Variants in DNAI3 observed in about 807,000 individuals in gnomAD.
The protein encoded by DNAI3 is WD repeat domain 63.
Under a neutral mutation model 115.5 loss-of-function variants are expected in DNAI3, and 83 were observed. The observed-to-expected ratio is 0.72, with a 90% CI of 0.60 to 0.86. The LOEUF is 0.86. Ranked by LOEUF, DNAI3 falls within the 40% of genes least tolerant of loss-of-function variation. The probability of loss-of-function intolerance (pLI) is 0.00; values close to 1 mark genes in which losing one functional copy is unlikely to be tolerated. For missense variants in DNAI3, 1,004 were observed against 1,075.8 expected, an observed-to-expected ratio of 0.93 and a Z score of 0.93; for synonymous variants, 320 against 347.0, an observed-to-expected ratio of 0.92 and a Z score of 0.86.
At chr1:85,115,055 T>A (rs817465) in intron 16 of DNAI3, among the ~76,000 whole-genome samples, 35,556 of 152,190 alleles carry the variant, frequency 0.23, 4,952 homozygotes, top group African/African-American at 0.38. Context: ...ATAGCAGCTA[T>A]GACGGTAGAT....
At position 85,124,168 on chromosome 1, in the gene DNAI3, A is replaced by G. The variant is rs1347262189; in HGVS notation, c.2029A>G (p.Thr677Ala). 6.2e-7 allele frequency: 1 copy of G among 1,614,092 alleles called. No homozygotes were observed. The highest frequency in any genetic ancestry group is 1.3e-5 in the African/African-American group (1 of 74,912). Residue 677 changes from threonine (T) to alanine (A), a missense_variant, in exon 19 of 23, where the codon ACT (threonine) becomes GCT (alanine). Physicochemically the swap from Thr to Ala is moderately conservative, Grantham distance 58. Transcript: ENST00000294664. ...HHTIHDGTVH[T>A]IQRSPFYNDI... ...CACCATTCACGACGGAACTGTCCAC[A>G]CTATTCAGAGATCACCTTTCTACAA...
chr1:85,130,704 GATAGATAGATAGATAA>G (rs1489316502), intron 22 of DNAI3, among the ~76,000 whole-genome samples: 4 of 109,968 alleles, frequency 3.6e-5, no homozygotes, highest in African/African-American at 7.3e-5. Flanking sequence ...TAGATAGATA[GATAGATAGATAGATAA>G]ATAGATATGA....
intron 7 of DNAI3, among the ~76,000 whole-genome samples, chr1:85,089,138 G>C (rs767914028): frequency 2.0e-5 from 3 of 151,950 alleles, no homozygotes; most frequent in Non-Finnish European, 4.4e-5. Context: ...AAATGTGCTA[G>C]GCACTGTTTT....
chr1:85,084,469 G>A (rs1347241679), intron 5 of DNAI3, 77 bp from the exon 6 acceptor site: 1 of 930,606 alleles, frequency 1.1e-6, no homozygotes, highest in Non-Finnish European at 1.4e-6. Flanking sequence ...AAAGTTTGTT[G>A]CAAAATATAT....
At chr1:85,120,044 G>A (rs191659007) in intron 17 of DNAI3, among the ~76,000 whole-genome samples, 45 of 152,280 alleles carry the variant, frequency 3.0e-4, no homozygotes, top group African/African-American at 9.9e-4. Flanking sequence ...GCCTTTGGAG[G>A]CCTTGCCCTA....
chr1:85,102,319 C>T (rs1655351609), intron 13 of DNAI3, among the ~76,000 whole-genome samples: 1 of 151,642 alleles, frequency 6.6e-6, no homozygotes, highest in Non-Finnish European at 1.5e-5. Context: ...ATCACATATA[C>T]CCCCCAAATA....
intron 17 of DNAI3, among the ~76,000 whole-genome samples, chr1:85,121,066 T>C (rs17121721): frequency 0.097 from 14,783 of 152,150 alleles, 960 homozygotes; most frequent in African/African-American, 0.19. Flanking sequence ...TCATTTAACC[T>C]CTCTCAGTTT....
intron 7 of DNAI3, among the ~76,000 whole-genome samples, chr1:85,089,736 G>A (rs1654917066): frequency 6.6e-6 from 1 of 151,854 alleles, no homozygotes; most frequent in Non-Finnish European, 1.5e-5. Flanking sequence ...AGGGGGTGAG[G>A]TGGACACTGA....
intron 3 of DNAI3, among the ~76,000 whole-genome samples, chr1:85,073,844 G>T (rs899245182): frequency 3.3e-5 from 5 of 152,158 alleles, no homozygotes; most frequent in African/African-American, 9.7e-5. Flanking sequence ...GACTAGTTAG[G>T]AAGTTTTTCC....
intron 13 of DNAI3, 91 bp downstream of exon 13, chr1:85,098,749 T>C: frequency 6.5e-7 from 1 of 1,542,050 alleles, no homozygotes; most frequent in South Asian, 1.2e-5. Flanking sequence ...ACAATTCATT[T>C]ACACTTAAAT....
intron 14 of DNAI3, among the ~76,000 whole-genome samples, chr1:85,105,543 A>G (rs895503488): frequency 9.1e-4 from 34 of 37,378 alleles, no homozygotes; most frequent in African/African-American, 4.0e-3. Flanking sequence ...AAAAAAAAAG[A>G]AAAAGAAAAA....
rs567986080 is a variant in DNAI3 at position 85,093,893 on chromosome 1, G to C, written c.1048+245G>C. 7.3e-5 allele frequency: 45 copies of C among 614,440 alleles called. No homozygotes were observed. In the African/African-American group the frequency reaches 7.6e-4, roughly 10 times the overall value. 38.1% of individuals were successfully genotyped at this position (614,440 alleles called of 1,614,324 possible). Reference sequence around the variant, plus strand: ...AAGGACCCAAGCTCAACTCAGGGAAGTGACTCGCCCAGGTCACCCAGATGG... The same window carrying C: ...AAGGACCCAAGCTCAACTCAGGGAACTGACTCGCCCAGGTCACCCAGATGG... On this transcript the variant is annotated intron_variant, in intron 9 of 22. Coordinates refer to ENST00000294664, the MANE Select transcript of DNAI3 (RefSeq NM_145172.5).
chr1:85,129,076 C>G (rs3816578), intron 21 of DNAI3, among the ~76,000 whole-genome samples: 8,527 of 152,060 alleles, frequency 0.056, 246 homozygotes, highest in South Asian at 0.07. Context: ...GTCATTTTTC[C>G]CATTGTAACC....
chr1:85,066,522 G>T (rs887784215), intron 1 of DNAI3, among the ~76,000 whole-genome samples: 4 of 151,624 alleles, frequency 2.6e-5, no homozygotes, highest in African/African-American at 9.7e-5. Flanking sequence ...AGAGACGGGG[G>T]TTTCACTGTG....
At chr1:85,070,077 A>G (rs1266368044) in intron 1 of DNAI3, among the ~76,000 whole-genome samples, 1 of 152,170 alleles carries the variant, frequency 6.6e-6, no homozygotes, top group East Asian at 1.9e-4. Flanking sequence ...CCTGGCCAAT[A>G]TGGTGAAGCC....
intron 1 of DNAI3, among the ~76,000 whole-genome samples, chr1:85,069,622 G>A (rs1279591390): frequency 2.0e-5 from 3 of 151,932 alleles, no homozygotes; most frequent in East Asian, 3.9e-4. Flanking sequence ...TCCTGACCTC[G>A]CGATCCACCC....
chr1:85,089,456 A>G (rs1654902409), intron 7 of DNAI3, among the ~76,000 whole-genome samples: 1 of 146,396 alleles, frequency 6.8e-6, no homozygotes, highest in Non-Finnish European at 1.5e-5. Context: ...GTTCACATAC[A>G]GAGGCCACTA....
chr1:85,120,437 G>C (rs1005963635), intron 17 of DNAI3, among the ~76,000 whole-genome samples: 12 of 152,244 alleles, frequency 7.9e-5, no homozygotes, highest in Non-Finnish European at 1.6e-4. Flanking sequence ...CAGAATTACA[G>C]AAGTGGCTAG....
chr1:85,093,380 G>A lies in DNAI3; in HGVS notation c.858-78G>A, dbSNP rs993763295. ...TTTTTGTTCAGTATAAATGAAGGAG[G>A]AGGAGTTGCTAAGATAGTCACATTA... On this transcript the variant is annotated intron_variant, in intron 8 of 22. Coordinates refer to ENST00000294664, the MANE Select transcript of DNAI3 (RefSeq NM_145172.5). 11 of 1,276,384 alleles carry A rather than the reference G, an allele frequency of 8.6e-6. No individual in the cohort carries two copies. In the East Asian group the frequency reaches 2.6e-4, roughly 30 times the overall value. The allele number at this position is 1,276,384 out of a possible 1,614,324, so 79.1% of individuals were successfully genotyped here.
Sources: allele counts gnomAD v4.1 joint callset (sites outside exome capture counted in the v4.1 genomes callset), GRCh38; gene constraint gnomAD v4.1.1; transcripts MANE v1.5; gene names NCBI Gene and HGNC (gene_info 2026-07-23, HGNC 2026-07-21).